The following DLC1 variants were observed in gnomAD, a reference collection of about 807,000 sequenced individuals.
DLC1 encodes the protein rho GTPase-activating protein 7.
A neutral mutation model predicts 140.3 loss-of-function variants in DLC1; 54 were observed. The observed-to-expected ratio is 0.38, with a 90% CI of 0.31 to 0.48. The LOEUF (loss-of-function observed/expected upper bound fraction) is 0.48, where lower values mean the gene tolerates loss of function less well. Ranked by LOEUF, DLC1 falls within the 20% of genes least tolerant of loss-of-function variation. The probability of loss-of-function intolerance (pLI) is 0.96; values close to 1 mark genes in which losing one functional copy is unlikely to be tolerated. For missense variants in DLC1, 2,536 were observed against 1,907.0 expected, an observed-to-expected ratio of 1.33 and a Z score of -6.14; for synonymous variants, 986 against 728.1, an observed-to-expected ratio of 1.35 and a Z score of -5.70.
intron 4 of DLC1, among the ~76,000 whole-genome samples, chr8:13,307,247 G>C (rs917016663): frequency 6.6e-6 from 1 of 152,128 alleles, no homozygotes; most frequent in African/African-American, 2.4e-5. Flanking sequence ...AGATGCAGAC[G>C]TATAGATTAA....
At chr8:13,394,910 C>T (rs1421684409) in intron 3 of DLC1, among the ~76,000 whole-genome samples, 8 of 151,994 alleles carry the variant, frequency 5.3e-5, no homozygotes, top group East Asian at 3.9e-4. Context: ...GAGAAGCATC[C>T]GTTGACATTT....
intron 1 of DLC1, among the ~76,000 whole-genome samples, chr8:13,537,134 A>T (rs185567868): frequency 6.6e-6 from 1 of 151,184 alleles, no homozygotes; most frequent in Admixed American, 6.6e-5. Context: ...TTAAAAAAAA[A>T]CCACTAGTCT....
intron 1 of DLC1, among the ~76,000 whole-genome samples, chr8:13,513,288 A>G (rs2117262988): frequency 6.6e-6 from 1 of 152,264 alleles, no homozygotes; most frequent in Admixed American, 6.5e-5. Flanking sequence ...TAATTAAATC[A>G]TAATTTAGAT....
intron 1 of DLC1, among the ~76,000 whole-genome samples, chr8:13,564,313 A>C (rs1040614746): frequency 6.6e-6 from 1 of 152,210 alleles, no homozygotes; most frequent in Non-Finnish European, 1.5e-5. Flanking sequence ...TTTCATCTTG[A>C]GTGATATACG....
At chr8:13,368,511 C>G (rs76557922) in intron 4 of DLC1, among the ~76,000 whole-genome samples, 14,831 of 151,710 alleles carry the variant, frequency 0.098, 811 homozygotes, top group African/African-American at 0.12. Flanking sequence ...AAAACGCAAG[C>G]CAAGGCAGTT....
intron 2 of DLC1, among the ~76,000 whole-genome samples, chr8:13,469,827 C>A (rs941621041): frequency 6.6e-6 from 1 of 151,918 alleles, no homozygotes; most frequent in African/African-American, 2.4e-5. Context: ...TGCAAATGCC[C>A]CAAAGATTCT....
chr8:13,270,415 A>G (rs779440879), intron 5 of DLC1, among the ~76,000 whole-genome samples: 1 of 152,142 alleles, frequency 6.6e-6, no homozygotes, highest in Non-Finnish European at 1.5e-5. Context: ...TTTTTCCCAT[A>G]CCACAGCTGA....
chr8:13,477,353 G>A (rs1203713286), intron 2 of DLC1, among the ~76,000 whole-genome samples: 1 of 152,186 alleles, frequency 6.6e-6, no homozygotes, highest in Non-Finnish European at 1.5e-5. Context: ...GCTGGTGTGA[G>A]GTAATCAGGT....
At chr8:13,127,050 C>T (rs888682680) in intron 5 of DLC1, among the ~76,000 whole-genome samples, 1 of 152,124 alleles carries the variant, frequency 6.6e-6, no homozygotes, top group African/African-American at 2.4e-5. Flanking sequence ...CTATGTCAAA[C>T]CTCAAAGAGG....
At chr8:13,422,908 C>T (rs1417921806) in intron 2 of DLC1, among the ~76,000 whole-genome samples, 1 of 151,974 alleles carries the variant, frequency 6.6e-6, no homozygotes, top group Non-Finnish European at 1.5e-5. Context: ...ATAGAGAAGA[C>T]AATTACATTG....
At chr8:13,398,740 T>C (rs1837163624) in intron 3 of DLC1, among the ~76,000 whole-genome samples, 1 of 151,956 alleles carries the variant, frequency 6.6e-6, no homozygotes. Flanking sequence ...AGAGTCTGAA[T>C]AACTGGTAGA....
At position 13,253,475 on chromosome 8, in the gene DLC1, T is replaced by A. The variant is rs961836640; in HGVS notation, c.1348+51794A>T. 1.2e-4 allele frequency among the ~76,000 whole-genome samples: 18 copies of A among 152,200 alleles called. 1 individual carries two copies. Among genetic ancestry groups the A allele is most frequent in the African/African-American group, 4.3e-4 (18 of 41,518 alleles). On this transcript the variant is annotated intron_variant, in intron 5 of 17. Coordinates refer to ENST00000276297, the MANE Select transcript of DLC1 (RefSeq NM_182643.3). ...TGATTGTATGTGTGGTGTTTAGATA[T>A]GTGCATAGGTGTATGCACATGGACA...
chr8:13,231,452 T>C (rs1305081181), intron 5 of DLC1, among the ~76,000 whole-genome samples: 1 of 152,224 alleles, frequency 6.6e-6, no homozygotes, highest in East Asian at 1.9e-4. Context: ...AGAGTTTCTA[T>C]TCCTGTATAT....
At chr8:13,098,034 G>GGAAAAAAA (rs1818656964) in intron 10 of DLC1, among the ~76,000 whole-genome samples, 1 of 68,418 alleles carries the variant, frequency 1.5e-5, no homozygotes, top group Non-Finnish European at 2.6e-5. Context: ...AAGGAAAAAA[G>GGAAAAAAA]AAAAAAAAAA....
chr8:13,220,842 T>A (rs1828508668), intron 5 of DLC1, among the ~76,000 whole-genome samples: 1 of 152,190 alleles, frequency 6.6e-6, no homozygotes, highest in Non-Finnish European at 1.5e-5. Context: ...TGTCAACTGT[T>A]CACATGGAGA....
At chr8:13,099,260 A>T in intron 9 of DLC1, 87 bp downstream of exon 9, 1 of 1,517,884 alleles carries the variant, frequency 6.6e-7, no homozygotes, top group Non-Finnish European at 8.8e-7. Flanking sequence ...GCCAGACTTA[A>T]TCCCATTTCT....
intron 5 of DLC1, among the ~76,000 whole-genome samples, chr8:13,207,994 G>C (rs112116477): frequency 1.2e-3 from 190 of 152,184 alleles, no homozygotes; most frequent in African/African-American, 4.2e-3. Context: ...GATTCTATTT[G>C]GTTCAAAGTG....
At chr8:13,519,188 C>T (rs1055236639), upstream of DLC1, among the ~76,000 whole-genome samples, 3 of 147,716 alleles carry the variant, frequency 2.0e-5, no homozygotes, top group Non-Finnish European at 4.5e-5. Flanking sequence ...AGTGCAGTGG[C>T]GCAATCTCGG....
intron 5 of DLC1, among the ~76,000 whole-genome samples, chr8:13,132,767 G>A (rs1822220668): frequency 6.6e-6 from 1 of 152,214 alleles, no homozygotes; most frequent in South Asian, 2.1e-4. Context: ...TCCCCAAACT[G>A]CGAGTCCTGC....
Sources: gnomAD v4.1 joint callset for allele counts (sites outside exome capture counted in the v4.1 genomes callset) on GRCh38, gnomAD v4.1.1 for gene constraint, MANE v1.5 for transcripts, NCBI Gene and HGNC (gene_info 2026-07-23, HGNC 2026-07-21) for gene names.